The following PDE4B variants were observed in gnomAD, a reference collection of about 807,000 sequenced individuals.
The protein encoded by PDE4B is 3',5'-cyclic-AMP phosphodiesterase 4B.
PDE4B carries 20 observed loss-of-function variants against 82.2 expected under a neutral mutation model. The ratio of observed to expected loss-of-function variants is 0.24; its 90% CI spans 0.17 to 0.35. PDE4B has a LOEUF of 0.35. Ranked by LOEUF, PDE4B falls within the 10% of genes least tolerant of loss-of-function variation. The pLI is 1.00. For missense variants in PDE4B, 655 were observed against 907.2 expected (o/e 0.72, Z 3.57); for synonymous variants, 320 against 318.9 (o/e 1.00, Z -0.04).
At chr1:66,301,478 G>A (rs150415965) in intron 7 of PDE4B, among the ~76,000 whole-genome samples, 15 of 152,132 alleles carry the variant, frequency 9.9e-5, no homozygotes, top group African/African-American at 2.9e-4. Flanking sequence ...GCACAGAGAG[G>A]CTTAATGACT....
At chr1:66,054,984 C>A (rs529254257) in intron 3 of PDE4B, among the ~76,000 whole-genome samples, 16 of 152,210 alleles carry the variant, frequency 1.1e-4, no homozygotes, top group African/African-American at 3.9e-4. Context: ...GTCATGGACA[C>A]CTTTATAGAG....
chr1:65,848,467 A>ATATG (rs140068279), intron 1 of PDE4B, among the ~76,000 whole-genome samples: 149,491 of 152,152 alleles, frequency 0.98, 73,508 homozygotes, highest in South Asian at 1. Flanking sequence ...TTTGACATAT[A>ATATG]TGTCTGTGAA....
intron 7 of PDE4B, among the ~76,000 whole-genome samples, chr1:66,295,755 T>C (rs1191857394): frequency 2.0e-5 from 3 of 152,160 alleles, no homozygotes; most frequent in Non-Finnish European, 4.4e-5. Flanking sequence ...AAATAAATGC[T>C]GGCAAAGACC....
intron 3 of PDE4B, among the ~76,000 whole-genome samples, chr1:66,234,564 C>T (rs951700434): frequency 6.6e-6 from 1 of 152,216 alleles, no homozygotes. Context: ...GCTGGGATTA[C>T]AGGCATGAGC....
At chr1:65,856,501 G>C (rs909884609) in intron 1 of PDE4B, among the ~76,000 whole-genome samples, 1 of 152,162 alleles carries the variant, frequency 6.6e-6, no homozygotes, top group Non-Finnish European at 1.5e-5. Context: ...TCCCTTCAAA[G>C]GACATGAACT....
At chr1:65,957,958 A>T (rs889261955) in intron 3 of PDE4B, among the ~76,000 whole-genome samples, 25 of 152,098 alleles carry the variant, frequency 1.6e-4, no homozygotes, top group African/African-American at 5.8e-4. Context: ...GCAAATATTA[A>T]CACTGTGTTT....
At chr1:66,109,140 A>G (rs958903900) in intron 3 of PDE4B, among the ~76,000 whole-genome samples, 2 of 151,968 alleles carry the variant, frequency 1.3e-5, no homozygotes, top group East Asian at 3.8e-4. Context: ...CCTGTTGTAT[A>G]ATGCCATGGT....
intron 1 of PDE4B, among the ~76,000 whole-genome samples, chr1:65,818,384 G>A (rs781598716): frequency 2.1e-4 from 32 of 151,962 alleles, no homozygotes; most frequent in Non-Finnish European, 4.3e-4. Flanking sequence ...TCTATTTCTT[G>A]TGTTCTTTTC....
chr1:66,330,810 G>A, intron 7 of PDE4B: 1 of 984,678 alleles, frequency 1.0e-6, no homozygotes, highest in South Asian at 4.7e-5. Context: ...AGGCAGCATT[G>A]CAAAATTGAA....
At chr1:66,301,255 A>G (rs574438544) in intron 7 of PDE4B, among the ~76,000 whole-genome samples, 1 of 152,262 alleles carries the variant, frequency 6.6e-6, no homozygotes, top group South Asian at 2.1e-4. Context: ...CAGAAATCCA[A>G]CTTGGAGCTT....
At chr1:66,004,375 A>G (rs1652033851) in intron 3 of PDE4B, among the ~76,000 whole-genome samples, 1 of 152,170 alleles carries the variant, frequency 6.6e-6, no homozygotes, top group East Asian at 1.9e-4. Flanking sequence ...CCACTTAGAT[A>G]TTACTTAGTT....
chr1:65,905,541 T>G (rs547841238), intron 1 of PDE4B, among the ~76,000 whole-genome samples: 1 of 152,258 alleles, frequency 6.6e-6, no homozygotes, highest in East Asian at 1.9e-4. Flanking sequence ...TTAAGGGTTT[T>G]GCTTTATCCT....
rs146516415 is a variant in PDE4B at position 66,298,008 on chromosome 1, G to C, written c.634+31921G>C. 2.9e-4 allele frequency among the ~76,000 whole-genome samples: 44 copies of C among 152,216 alleles called. No homozygotes were observed. In the East Asian group the frequency reaches 6.4e-3, roughly 22 times the overall value. ...CTGCCCAAAGCTGTTTTAATCATTT[G>C]TATGAATGTAGGTACCATTTCAAAG... On this transcript the variant is annotated intron_variant, in intron 7 of 16. Transcript: ENST00000341517.
chr1:66,166,013 A>G (rs1394127088), intron 3 of PDE4B, among the ~76,000 whole-genome samples: 2 of 152,188 alleles, frequency 1.3e-5, no homozygotes, highest in Non-Finnish European at 2.9e-5. Context: ...CTAAAATGGT[A>G]GTATAGTACT....
At chr1:65,801,916 G>T (rs1645698415) in intron 1 of PDE4B, among the ~76,000 whole-genome samples, 1 of 152,202 alleles carries the variant, frequency 6.6e-6, no homozygotes, top group African/African-American at 2.4e-5. Context: ...GTGTAAAGGT[G>T]AAAGAAGGTT....
intron 3 of PDE4B, among the ~76,000 whole-genome samples, chr1:65,983,238 A>G (rs1650779873): frequency 6.6e-6 from 1 of 152,206 alleles, no homozygotes; most frequent in East Asian, 1.9e-4. Flanking sequence ...CCGCAGGATG[A>G]ATCATACTTC....
intron 1 of PDE4B, among the ~76,000 whole-genome samples, chr1:65,891,124 A>G (rs1414809121): frequency 6.6e-6 from 1 of 152,132 alleles, no homozygotes; most frequent in Non-Finnish European, 1.5e-5. Context: ...AAAACTTATT[A>G]TCATTTGCCA....
chr1:66,367,818 C>A lies in PDE4B; in HGVS notation c.1507C>A (p.Arg503Ser). ...CTTCATGAATCTCACCAAGAAGCAG[C>A]GTCAGACACTCAGGAAGATGGTTAT... ...DIFMNLTKKQ[R>S]QTLRKMVIDM... Residue 503 changes from arginine (R) to serine (S), a missense_variant, in exon 14 of 17, where the codon CGT (arginine) becomes AGT (serine). Arg to Ser is a moderately radical substitution (Grantham distance 110, BLOSUM62 -1). Coordinates refer to ENST00000341517, the MANE Select transcript of PDE4B (RefSeq NM_002600.4). 1 of 1,613,758 alleles carries A rather than the reference C, an allele frequency of 6.2e-7. No individual in the cohort carries two copies. Among genetic ancestry groups the A allele is most frequent in the Non-Finnish European group, 8.5e-7 (1 of 1,179,774 alleles).
chr1:66,232,773 C>T (rs1355520573), intron 3 of PDE4B, among the ~76,000 whole-genome samples: 1 of 152,110 alleles, frequency 6.6e-6, no homozygotes, highest in Non-Finnish European at 1.5e-5. Flanking sequence ...AAGACGTAGG[C>T]CACTGATGAT....
Sources: gnomAD v4.1 joint callset for allele counts (sites outside exome capture counted in the v4.1 genomes callset) on GRCh38, gnomAD v4.1.1 for gene constraint, MANE v1.5 for transcripts, NCBI Gene and HGNC (gene_info 2026-07-23, HGNC 2026-07-21) for gene names.